ADAM12: variants seen among roughly 807,000 people sequenced by gnomAD.
ADAM12 encodes disintegrin and metalloproteinase domain-containing protein 12.
ADAM12 carries 70 observed loss-of-function variants against 106.4 expected under a neutral mutation model. The observed-to-expected ratio is 0.66, with a 90% CI of 0.54 to 0.80. The LOEUF (loss-of-function observed/expected upper bound fraction) is 0.80. ADAM12 is among the 30% of genes least tolerant of loss of function. ADAM12 has a pLI of 0.00. For missense variants in ADAM12, 1,010 were observed against 1,171.9 expected (o/e 0.86, Z 2.02); for synonymous variants, 420 against 433.5 (o/e 0.97, Z 0.39).
chr10:126,219,680 G>A (rs1958053916), intron 3 of ADAM12, among the ~76,000 whole-genome samples: 1 of 152,176 alleles, frequency 6.6e-6, no homozygotes, highest in Non-Finnish European at 1.5e-5. Context: ...TTCTCACAAA[G>A]TTTAGGTTCT....
At chr10:126,364,845 C>T (rs1308778640) in intron 1 of ADAM12, among the ~76,000 whole-genome samples, 1 of 152,078 alleles carries the variant, frequency 6.6e-6, no homozygotes, top group Non-Finnish European at 1.5e-5. Flanking sequence ...CTCACCATCC[C>T]ACCTTTGTCC....
chr10:126,018,608 A>G (rs1309892259), intron 22 of ADAM12, among the ~76,000 whole-genome samples: 1 of 152,170 alleles, frequency 6.6e-6, no homozygotes, highest in African/African-American at 2.4e-5. Flanking sequence ...AATATCATAA[A>G]TTTGTATAAT....
At chr10:126,283,592 T>G (rs888880047) in intron 2 of ADAM12, among the ~76,000 whole-genome samples, 2 of 152,176 alleles carry the variant, frequency 1.3e-5, no homozygotes, top group Non-Finnish European at 2.9e-5. Context: ...ATGGAACATT[T>G]GATTTTCTTC....
At chr10:126,240,799 A>G (rs1958507150) in intron 3 of ADAM12, among the ~76,000 whole-genome samples, 1 of 152,250 alleles carries the variant, frequency 6.6e-6, no homozygotes, top group Non-Finnish European at 1.5e-5. Context: ...CCGGCCTGGA[A>G]GGTCACAGTC....
At chr10:126,180,217 T>C (rs1957288825) in intron 3 of ADAM12, among the ~76,000 whole-genome samples, 1 of 152,194 alleles carries the variant, frequency 6.6e-6, no homozygotes, top group East Asian at 1.9e-4. Context: ...ATCAAGAATG[T>C]CCGGAAGGTC....
intron 2 of ADAM12, among the ~76,000 whole-genome samples, chr10:126,303,818 C>T (rs147220338): frequency 6.6e-6 from 1 of 152,260 alleles, no homozygotes; most frequent in African/African-American, 2.4e-5. Flanking sequence ...AGAACACCAT[C>T]ATATTATACA....
chr10:126,345,038 T>C (rs1457335557), intron 1 of ADAM12, among the ~76,000 whole-genome samples: 2 of 152,220 alleles, frequency 1.3e-5, no homozygotes, highest in African/African-American at 4.8e-5. Context: ...CTGATTGCCC[T>C]GGCCAGAACT....
At chr10:126,383,340 T>G (rs1460337097) in intron 1 of ADAM12, among the ~76,000 whole-genome samples, 5 of 152,062 alleles carry the variant, frequency 3.3e-5, no homozygotes, top group Non-Finnish European at 7.3e-5. Flanking sequence ...TGTAAAGGGA[T>G]GAAAAATAGA....
chr10:126,076,243 T>G (rs544225792), intron 11 of ADAM12, among the ~76,000 whole-genome samples: 1 of 152,372 alleles, frequency 6.6e-6, no homozygotes, highest in South Asian at 2.1e-4. Flanking sequence ...TCCATGTTGC[T>G]GCAAAGGACA....
chr10:126,211,985 G>A (rs1355474795), intron 3 of ADAM12, among the ~76,000 whole-genome samples: 1 of 152,226 alleles, frequency 6.6e-6, no homozygotes, highest in African/African-American at 2.4e-5. Context: ...CAGAGTGGGA[G>A]GCAGAATGTG....
chr10:126,094,396 T>A (rs529368526), intron 10 of ADAM12, among the ~76,000 whole-genome samples: 1 of 152,330 alleles, frequency 6.6e-6, no homozygotes, highest in East Asian at 1.9e-4. Context: ...TGTTTTTACA[T>A]GACATCTTCA....
intron 3 of ADAM12, among the ~76,000 whole-genome samples, chr10:126,158,730 G>GCA (rs1956874939): frequency 8.3e-6 from 1 of 120,158 alleles, no homozygotes; most frequent in Non-Finnish European, 1.7e-5. Flanking sequence ...GGGAGGATTC[G>GCA]GAGAGCATGG....
At chr10:126,157,783 G>A (rs1956846705) in intron 3 of ADAM12, among the ~76,000 whole-genome samples, 1 of 152,222 alleles carries the variant, frequency 6.6e-6, no homozygotes, top group South Asian at 2.1e-4. Context: ...CCTCCTCTGA[G>A]CTGCCAGAGG....
At chr10:126,295,548 T>TACACACACACACACATACACACACACAC (rs1555007157) in intron 2 of ADAM12, among the ~76,000 whole-genome samples, 1 of 146,532 alleles carries the variant, frequency 6.8e-6, no homozygotes, top group Non-Finnish European at 1.5e-5. Context: ...CACACACACA[T>TACACACACACACACATACACACACACAC]ACACACACAC....
chr10:126,055,689 A>G (rs917550190), intron 14 of ADAM12, among the ~76,000 whole-genome samples: 2 of 151,798 alleles, frequency 1.3e-5, no homozygotes, highest in African/African-American at 4.8e-5. Flanking sequence ...TTGACTATAG[A>G]CTCCTGTCCC....
chr10:126,231,322 G>T (rs1293696033), intron 3 of ADAM12, among the ~76,000 whole-genome samples: 1 of 151,084 alleles, frequency 6.6e-6, no homozygotes, highest in Non-Finnish European at 1.5e-5. Context: ...TTATAACAAC[G>T]ATGTCTTCTT....
At chr10:126,369,023 T>A (rs1031969973) in intron 1 of ADAM12, among the ~76,000 whole-genome samples, 1 of 152,160 alleles carries the variant, frequency 6.6e-6, no homozygotes, top group Non-Finnish European at 1.5e-5. Context: ...CATTACAGCA[T>A]CATAGTATTT....
At chr10:126,266,704 C>T (rs567671239) in intron 3 of ADAM12, among the ~76,000 whole-genome samples, 1 of 152,282 alleles carries the variant, frequency 6.6e-6, no homozygotes, top group Non-Finnish European at 1.5e-5. Context: ...ACAGCTTCTG[C>T]TCGGCTTCTG....
chr10:126,294,590 G>T (rs1011969568), intron 2 of ADAM12, among the ~76,000 whole-genome samples: 1 of 152,034 alleles, frequency 6.6e-6, no homozygotes, highest in African/African-American at 2.4e-5. Flanking sequence ...ATGAAAAACT[G>T]GGTAAATAAT....
Sources: allele counts gnomAD v4.1 joint callset (sites outside exome capture counted in the v4.1 genomes callset), GRCh38; gene constraint gnomAD v4.1.1; transcripts MANE v1.5; gene names NCBI Gene and HGNC (gene_info 2026-07-23, HGNC 2026-07-21).